The following TTC27 variants were observed in gnomAD, a reference collection of about 807,000 sequenced individuals.
TTC27 encodes the protein tetratricopeptide repeat domain 27.
In TTC27, 79 loss-of-function variants were observed where a neutral mutation model predicts 115.9. The observed-to-expected ratio is 0.68, with a 90% CI of 0.57 to 0.82. The LOEUF (loss-of-function observed/expected upper bound fraction) is 0.82, where lower values mean the gene tolerates loss of function less well. TTC27 is among the 40% of genes least tolerant of loss of function. The pLI is 0.00. For missense variants in TTC27, 1,054 were observed against 993.1 expected, an observed-to-expected ratio of 1.06 and a Z score of -0.82; for synonymous variants, 401 against 356.0, an observed-to-expected ratio of 1.13 and a Z score of -1.42.
chr2:32,742,782 A>G (rs537562006), intron 12 of TTC27, among the ~76,000 whole-genome samples: 1 of 152,188 alleles, frequency 6.6e-6, no homozygotes, highest in Non-Finnish European at 1.5e-5. Flanking sequence ...TCATTGAGAA[A>G]CAGCCTCTAC....
intron 18 of TTC27, among the ~76,000 whole-genome samples, chr2:32,816,272 G>A (rs997321353): frequency 2.6e-5 from 4 of 151,744 alleles, no homozygotes; most frequent in African/African-American, 9.7e-5. Context: ...AGCCATGATT[G>A]TGTCACTGCA....
At chr2:32,647,054 A>G (rs1293653239) in intron 4 of TTC27, among the ~76,000 whole-genome samples, 1 of 150,482 alleles carries the variant, frequency 6.6e-6, no homozygotes, top group Admixed American at 6.7e-5. Flanking sequence ...ACAGCTGACT[A>G]TAACCTTAAA....
In TTC27 at chr2:32,628,382, TGA is replaced by T. The variant is rs1325803314; in HGVS notation, c.88+6_88+7del. The T allele has an allele frequency of 6.3e-7, 1 of 1,591,026 alleles. No individual in the cohort carries two copies. Among genetic ancestry groups the T allele is most frequent in the Non-Finnish European group, 8.5e-7 (1 of 1,170,862 alleles). On this transcript the variant is annotated splice_donor_region_variant and intron_variant, in intron 1 of 19. Transcript: ENST00000317907. Reference sequence around the variant, plus strand: ...AACAGGAGGGGGTCGTCGGTTCAGGTGAGAGGCGCACCTACCGGGCCTTAGGC... The same window carrying T: ...AACAGGAGGGGGTCGTCGGTTCAGGTGAGGCGCACCTACCGGGCCTTAGGC...
intron 10 of TTC27, among the ~76,000 whole-genome samples, chr2:32,715,020 G>A (rs1398657407): frequency 6.6e-6 from 1 of 152,054 alleles, no homozygotes; most frequent in Non-Finnish European, 1.5e-5. Flanking sequence ...CTCTCATTTT[G>A]TAGGTTGTCT....
In TTC27 at chr2:32,812,560, G is replaced by A. The variant is rs1319151308; in HGVS notation, c.2253G>A (p.Glu751=). ...YKCDTQSNCW[E]KDITSFKEVV... ...GTGACACCCAGTCCAATTGTTGGGA[G>A]AAAGATATTACATCATTTAAGGAAG... Residue 751 remains glutamate (E), a synonymous_variant, in exon 18 of 20, where the codon GAG becomes GAA. Coordinates refer to ENST00000317907, the MANE Select transcript of TTC27 (RefSeq NM_017735.5). The A allele has an allele frequency of 3.1e-6, 5 of 1,613,976 alleles. No homozygotes were observed. Among genetic ancestry groups the A allele is most frequent in the Non-Finnish European group, 3.4e-6 (4 of 1,179,990 alleles).
chr2:32,641,183 T>G (rs1015134458), intron 4 of TTC27, among the ~76,000 whole-genome samples: 1 of 152,196 alleles, frequency 6.6e-6, no homozygotes, highest in African/African-American at 2.4e-5. Flanking sequence ...ATCTATTATA[T>G]GGTTTCTTCA....
At chr2:32,644,794 A>T (rs1470773382) in intron 4 of TTC27, among the ~76,000 whole-genome samples, 1 of 146,614 alleles carries the variant, frequency 6.8e-6, no homozygotes, top group Non-Finnish European at 1.5e-5. Context: ...TCTTTACTAT[A>T]TCATTCTTTT....
intron 10 of TTC27, among the ~76,000 whole-genome samples, chr2:32,727,986 T>G (rs911531337): frequency 1.5e-4 from 22 of 151,608 alleles, no homozygotes; most frequent in African/African-American, 3.6e-4. Context: ...GTGTGACTGA[T>G]TAAGGGGACG....
chr2:32,736,288 G>A (rs1463534585), intron 11 of TTC27, among the ~76,000 whole-genome samples: 5 of 151,986 alleles, frequency 3.3e-5, no homozygotes, highest in South Asian at 2.1e-4. Context: ...AATTCAGCAG[G>A]GCTAATGCAT....
intron 13 of TTC27, among the ~76,000 whole-genome samples, chr2:32,764,192 G>C (rs1006831693): frequency 6.6e-6 from 1 of 151,986 alleles, no homozygotes; most frequent in African/African-American, 2.4e-5. Flanking sequence ...CAGTCAACCA[G>C]TCACTCACCT....
intron 9 of TTC27, among the ~76,000 whole-genome samples, chr2:32,684,542 G>A (rs896822383): frequency 1.3e-5 from 2 of 152,030 alleles, no homozygotes; most frequent in Non-Finnish European, 2.9e-5. Context: ...ATGAAAGAAG[G>A]AAAAAGATCT....
intron 9 of TTC27, among the ~76,000 whole-genome samples, chr2:32,697,933 AAT>A (rs957685907): frequency 1.3e-5 from 2 of 151,830 alleles, no homozygotes; most frequent in Non-Finnish European, 1.5e-5. Context: ...TGTTATTTTT[AAT>A]AGAGATGGGG....
At chr2:32,761,606 T>G (rs1235912911) in intron 13 of TTC27, among the ~76,000 whole-genome samples, 2 of 152,062 alleles carry the variant, frequency 1.3e-5, no homozygotes, top group Non-Finnish European at 1.5e-5. Flanking sequence ...CATTCCTGCC[T>G]CAGGGTCTTC....
intron 16 of TTC27, among the ~76,000 whole-genome samples, chr2:32,807,507 C>T (rs1164736161): frequency 6.6e-6 from 1 of 152,216 alleles, no homozygotes; most frequent in Non-Finnish European, 1.5e-5. Flanking sequence ...CATACCGGCA[C>T]TTCCACTACT....
At position 32,793,522 on chromosome 2, in the gene TTC27, T is replaced by TTTG. The variant is rs376094410; in HGVS notation, c.1998+6388_1998+6390dup. Among the ~76,000 whole-genome samples the TTTG allele has an allele frequency of 8.5e-5, 13 of 152,092 alleles. 1 individual carries two copies. Among genetic ancestry groups the TTTG allele is most frequent in the East Asian group, 1.9e-4 (1 of 5,170 alleles). ...AAAAGCTAATATTATTGTAACAATG[T>TTTG]TTGTTGTTGTTGTTGTTTGAGATGG... On this transcript the variant is annotated intron_variant, in intron 16 of 19. Coordinates refer to ENST00000317907, the MANE Select transcript of TTC27 (RefSeq NM_017735.5).
At chr2:32,796,045 G>T (rs886733540) in intron 16 of TTC27, among the ~76,000 whole-genome samples, 4 of 152,106 alleles carry the variant, frequency 2.6e-5, no homozygotes, top group African/African-American at 9.7e-5. Flanking sequence ...ATGTGATCTT[G>T]TATGTAGAAA....
chr2:32,708,451 A>G (rs926001282), intron 10 of TTC27, among the ~76,000 whole-genome samples: 7 of 151,240 alleles, frequency 4.6e-5, no homozygotes, highest in Non-Finnish European at 8.8e-5. Flanking sequence ...AGCTGGGACT[A>G]CAGGCGTGTG....
Position 32,666,662 on chromosome 2 carries a change from A to T in TTC27, c.833A>T (p.Gln278Leu), listed in dbSNP as rs202039598. Residue 278 changes from glutamine to leucine, a missense_variant, in exon 7 of 20, where the codon CAG becomes CTG. By Grantham distance (113) the Gln-to-Leu change is moderately radical. Transcript: ENST00000317907. ...GCTTTGGGAAAAAGAACACGGTTCC[A>T]GGAAAATTATGTGGCACAACTGATT... ...TGALGKRTRF[Q>L]ENYVAQLILD... is the part of the protein sequence containing the mutation. The T allele has an allele frequency of 9.3e-6, 15 of 1,613,798 alleles. No individual in the cohort carries two copies. Among genetic ancestry groups the T allele is most frequent in the Non-Finnish European group, 7.6e-6 (9 of 1,179,946 alleles).
At chr2:32,809,626 G>C (rs1671248799) in intron 16 of TTC27, among the ~76,000 whole-genome samples, 1 of 152,190 alleles carries the variant, frequency 6.6e-6, no homozygotes, top group South Asian at 2.1e-4. Flanking sequence ...CCTCAAGCTG[G>C]TTCTTTTGCT....
Sources: allele counts gnomAD v4.1 joint callset (sites outside exome capture counted in the v4.1 genomes callset), GRCh38; gene constraint gnomAD v4.1.1; transcripts MANE v1.5; gene names NCBI Gene and HGNC (gene_info 2026-07-23, HGNC 2026-07-21).